The following PTPRD variants were observed in gnomAD, a reference collection of about 807,000 sequenced individuals.
PTPRD encodes the protein protein tyrosine phosphatase receptor type D, also known as receptor-type tyrosine-protein phosphatase delta.
In PTPRD, 34 loss-of-function variants were observed where a neutral mutation model predicts 214.5. That is an observed-to-expected ratio of 0.16 (90% CI 0.12 to 0.21). The LOEUF is 0.21. Among genes scored for constraint, PTPRD ranks in the 10% least tolerant of loss-of-function variants. The pLI is 1.00. For missense variants in PTPRD, 2,545 were observed against 2,398.7 expected, an observed-to-expected ratio of 1.06 and a Z score of -1.27; for synonymous variants, 1,128 against 845.7, an observed-to-expected ratio of 1.33 and a Z score of -5.79.
At chr9:9,660,612 T>C (rs1344765540) in intron 7 of PTPRD, among the ~76,000 whole-genome samples, 1 of 152,012 alleles carries the variant, frequency 6.6e-6, no homozygotes, top group African/African-American at 2.4e-5. Context: ...GATTATTAAG[T>C]AGGCATTTTT....
chr9:9,794,331 G>A (rs1254954424), intron 5 of PTPRD, among the ~76,000 whole-genome samples: 1 of 151,926 alleles, frequency 6.6e-6, no homozygotes, highest in Non-Finnish European at 1.5e-5. Context: ...TAAGGACTAG[G>A]CCTTAAAGGA....
intron 7 of PTPRD, among the ~76,000 whole-genome samples, chr9:9,707,790 T>C (rs187111417): frequency 6.6e-6 from 1 of 152,274 alleles, no homozygotes; most frequent in African/African-American, 2.4e-5. Flanking sequence ...TCTATTGGCC[T>C]GCATTCTGCT....
intron 8 of PTPRD, among the ~76,000 whole-genome samples, chr9:9,449,921 A>G (rs2091639846): frequency 6.6e-6 from 1 of 151,842 alleles, no homozygotes; most frequent in Non-Finnish European, 1.5e-5. Flanking sequence ...AGTCCGTCAT[A>G]TCATTCTTAT....
chr9:9,207,856 A>G (rs147239002), intron 9 of PTPRD, among the ~76,000 whole-genome samples: 1 of 152,042 alleles, frequency 6.6e-6, no homozygotes, highest in Non-Finnish European at 1.5e-5. Context: ...CATCCATATA[A>G]TAGAGAACCA....
chr9:9,458,832 T>A (rs1307266417), intron 8 of PTPRD, among the ~76,000 whole-genome samples: 1 of 151,964 alleles, frequency 6.6e-6, no homozygotes. Flanking sequence ...CCCAGCTACT[T>A]GGGAGGTTGA....
intron 9 of PTPRD, among the ~76,000 whole-genome samples, chr9:9,352,402 T>C (rs1235735847): frequency 6.6e-6 from 1 of 151,334 alleles, no homozygotes; most frequent in African/African-American, 2.4e-5. Context: ...TATGTATATA[T>C]ATATCTGTTA....
chr9:9,295,612 C>T (rs1042334665), intron 9 of PTPRD, among the ~76,000 whole-genome samples: 1 of 151,678 alleles, frequency 6.6e-6, no homozygotes, highest in Non-Finnish European at 1.5e-5. Flanking sequence ...TTCTTGGATC[C>T]TTCTGAAGGG....
chr9:9,284,525 A>T (rs954385573), intron 9 of PTPRD, among the ~76,000 whole-genome samples: 3 of 151,702 alleles, frequency 2.0e-5, no homozygotes, highest in Admixed American at 6.6e-5. Context: ...CTGGCAAGGA[A>T]ATGTCTCAGG....
intron 3 of PTPRD, among the ~76,000 whole-genome samples, chr9:10,110,125 GAC>G: frequency 6.6e-6 from 1 of 152,274 alleles, no homozygotes; most frequent in Non-Finnish European, 1.5e-5. Context: ...AGAACACCCT[GAC>G]ACAAACCGTC....
At chr9:8,882,401 G>C (rs1247692110) in intron 11 of PTPRD, among the ~76,000 whole-genome samples, 1 of 152,148 alleles carries the variant, frequency 6.6e-6, no homozygotes, top group Non-Finnish European at 1.5e-5. Context: ...TTTGTAGGCA[G>C]GGAAAGCTGA....
At chr9:10,581,106 T>C (rs1187423181) in intron 2 of PTPRD, among the ~76,000 whole-genome samples, 1 of 152,132 alleles carries the variant, frequency 6.6e-6, no homozygotes, top group Non-Finnish European at 1.5e-5. Context: ...GGCTTCAATT[T>C]CCTCCTTTCT....
chr9:10,590,286 T>C (rs1404314312), intron 2 of PTPRD, among the ~76,000 whole-genome samples: 1 of 152,016 alleles, frequency 6.6e-6, no homozygotes, highest in South Asian at 2.1e-4. Context: ...TTATCTACAA[T>C]CATGACAATC....
At chr9:9,995,765 T>C (rs778867809) in intron 4 of PTPRD, among the ~76,000 whole-genome samples, 1 of 152,178 alleles carries the variant, frequency 6.6e-6, no homozygotes, top group East Asian at 1.9e-4. Context: ...GACATGTTTA[T>C]TGTTGCTATT....
intron 7 of PTPRD, among the ~76,000 whole-genome samples, chr9:9,607,748 A>C (rs1048152463): frequency 6.7e-6 from 1 of 148,676 alleles, no homozygotes; most frequent in Non-Finnish European, 1.5e-5. Flanking sequence ...CTGTTAGTAA[A>C]AAAAAAAAAA....
chr9:10,570,951 G>A (rs779105995), intron 2 of PTPRD, among the ~76,000 whole-genome samples: 6 of 151,276 alleles, frequency 4.0e-5, no homozygotes, highest in Admixed American at 1.3e-4. Context: ...CATTTTAGGC[G>A]ATAGAAATGA....
intron 3 of PTPRD, among the ~76,000 whole-genome samples, chr9:10,289,621 A>C (rs557837748): frequency 6.6e-6 from 1 of 152,336 alleles, no homozygotes; most frequent in South Asian, 2.1e-4. Context: ...GAAGAGAAAA[A>C]GAAAAAGAAA....
At chr9:8,484,578 T>G (rs2096956559) in intron 29 of PTPRD, among the ~76,000 whole-genome samples, 200 bp from the exon 30 acceptor site, 1 of 124,964 alleles carries the variant, frequency 8.0e-6, no homozygotes, top group South Asian at 2.6e-4. Context: ...TGATAAAATG[T>G]TTCCAAGTCT....
intron 11 of PTPRD, among the ~76,000 whole-genome samples, chr9:8,836,498 A>G (rs987478659): frequency 6.6e-6 from 1 of 151,978 alleles, no homozygotes; most frequent in African/African-American, 2.4e-5. Flanking sequence ...TCCTAACAAA[A>G]AATAGTGGGG....
chr9:10,097,218 C>A (rs560532739), intron 3 of PTPRD, among the ~76,000 whole-genome samples: 2 of 149,108 alleles, frequency 1.3e-5, no homozygotes, highest in Admixed American at 1.3e-4. Flanking sequence ...CTTGGTAATG[C>A]GGGCTCTTTT....
Sources: allele counts gnomAD v4.1 joint callset (sites outside exome capture counted in the v4.1 genomes callset), GRCh38; gene constraint gnomAD v4.1.1; transcripts MANE v1.5; gene names NCBI Gene and HGNC (gene_info 2026-07-23, HGNC 2026-07-21).